Variants in UTRN observed in about 807,000 individuals in gnomAD.
UTRN encodes the protein dystrophin-related protein 1.
In UTRN, 283 loss-of-function variants were observed where a neutral mutation model predicts 463.9. The observed-to-expected ratio is 0.61, with a 90% confidence interval of 0.55 to 0.67. The LOEUF (loss-of-function observed/expected upper bound fraction) is 0.67. Ranked by LOEUF, UTRN falls within the 30% of genes least tolerant of loss-of-function variation. The probability of loss-of-function intolerance (pLI) is 0.00; values close to 1 mark genes in which losing one functional copy is unlikely to be tolerated. For synonymous variants in UTRN, 1,442 were observed against 1,431.5 expected, an observed-to-expected ratio of 1.01 and a Z score of -0.17; for missense variants, 3,922 against 4,084.3, an observed-to-expected ratio of 0.96 and a Z score of 1.08.
At chr6:144,643,477 G>T (rs1175386337) in intron 51 of UTRN, among the ~76,000 whole-genome samples, 2 of 152,096 alleles carry the variant, frequency 1.3e-5, no homozygotes, top group Non-Finnish European at 2.9e-5. Flanking sequence ...TATTTATTTT[G>T]TAAATAGTTT....
chr6:144,721,177 C>A (rs998657006), intron 53 of UTRN, among the ~76,000 whole-genome samples: 2 of 152,126 alleles, frequency 1.3e-5, no homozygotes, highest in Non-Finnish European at 2.9e-5. Flanking sequence ...TCAGAGCATG[C>A]GACTTCTAAA....
At chr6:144,460,057 G>T (rs920192996) in intron 21 of UTRN, among the ~76,000 whole-genome samples, 2 of 149,538 alleles carry the variant, frequency 1.3e-5, no homozygotes, top group Non-Finnish European at 3.0e-5. Flanking sequence ...TGGTTGAGGA[G>T]GCCACTTAAT....
rs896165934 is a variant in UTRN, at chr6:144,827,279, C to T, written c.9495-69C>T. ...AATTGAGAATCTCCCCACACCCCCA[C>T]TGCTTTTGTCTTAAATTGCTCTAAA... On this transcript the variant is annotated intron_variant, in intron 66 of 74. Coordinates refer to ENST00000367545, the MANE Select transcript of UTRN (RefSeq NM_007124.3). 11 of 1,584,928 alleles carry T rather than the reference C, an allele frequency of 6.9e-6. No individual in the cohort carries two copies. The African/African-American group carries it at 1.1e-4, about 16-fold the overall frequency.
chr6:144,301,310 T>G (rs553177342), intron 2 of UTRN, among the ~76,000 whole-genome samples: 1 of 152,266 alleles, frequency 6.6e-6, no homozygotes, highest in South Asian at 2.1e-4. Context: ...TGCATACGCT[T>G]TTTCAAGATA....
At chr6:144,807,569 A>G (rs1434447293) in intron 65 of UTRN, among the ~76,000 whole-genome samples, 1 of 152,102 alleles carries the variant, frequency 6.6e-6, no homozygotes, top group African/African-American at 2.4e-5. Context: ...CACAGATGAT[A>G]TTTAATGCCT....
Position 144,511,139 on chromosome 6 carries a change from A to G in UTRN, c.4944+16A>G. On this transcript the variant is annotated intron_variant, in intron 35 of 74. Coordinates refer to ENST00000367545, the MANE Select transcript of UTRN (RefSeq NM_007124.3). The stretch of plus-strand genomic sequence containing the variant: ...TACCTTGATGGTATGTCTCAGGAAA[A>G]AGTAAATGATGAAATCTTCTCCTCT... 1 of 1,501,652 alleles carries G rather than the reference A, an allele frequency of 6.7e-7. No homozygotes were observed. Among genetic ancestry groups the G allele is most frequent in the African/African-American group, 1.4e-5 (1 of 70,912 alleles). 93.0% of individuals were successfully genotyped at this position (1,501,652 alleles called of 1,614,324 possible). A position where few individuals can be genotyped will look rare whatever the true frequency, so the allele number is the denominator to read the frequency against.
intron 2 of UTRN, among the ~76,000 whole-genome samples, chr6:144,349,671 T>C (rs1222393121): frequency 6.6e-6 from 1 of 152,196 alleles, no homozygotes; most frequent in Non-Finnish European, 1.5e-5. Flanking sequence ...AGCTGTGCAC[T>C]CCATCATGTT....
intron 53 of UTRN, among the ~76,000 whole-genome samples, chr6:144,710,431 A>G (rs776405111): frequency 2.0e-5 from 3 of 152,338 alleles, no homozygotes; most frequent in Non-Finnish European, 2.9e-5. Flanking sequence ...TCTTACACAC[A>G]GAAATGAGTG....
At chr6:144,287,298 C>A (rs1383962995) in intron 1 of UTRN, among the ~76,000 whole-genome samples, 2 of 152,144 alleles carry the variant, frequency 1.3e-5, no homozygotes, top group Admixed American at 6.5e-5. Context: ...TGGGTGTTTA[C>A]CTAAAATTTA....
At chr6:144,569,872 T>A (rs1171520682) in intron 50 of UTRN, among the ~76,000 whole-genome samples, 1 of 152,064 alleles carries the variant, frequency 6.6e-6, no homozygotes, top group East Asian at 1.9e-4. Context: ...GTTGCTGGAT[T>A]TGAAGGTGGA....
chr6:144,777,148 A>C (rs908095527), intron 60 of UTRN, among the ~76,000 whole-genome samples: 1 of 152,160 alleles, frequency 6.6e-6, no homozygotes, highest in Admixed American at 6.6e-5. Flanking sequence ...TGCTTAGGAC[A>C]CACTGAGTGA....
At chr6:144,372,840 A>G (rs188124986) in intron 2 of UTRN, among the ~76,000 whole-genome samples, 81 of 152,300 alleles carry the variant, frequency 5.3e-4, no homozygotes, top group African/African-American at 1.6e-3. Flanking sequence ...AGACAACCCA[A>G]TTGAAAAATG....
intron 52 of UTRN, among the ~76,000 whole-genome samples, chr6:144,690,892 A>G (rs1446684408): frequency 1.3e-5 from 2 of 152,066 alleles, no homozygotes; most frequent in African/African-American, 2.4e-5. Flanking sequence ...CTGGCTCATG[A>G]TATACACTGC....
intron 51 of UTRN, among the ~76,000 whole-genome samples, chr6:144,580,674 G>C (rs1585380470): frequency 6.6e-6 from 1 of 152,296 alleles, no homozygotes; most frequent in East Asian, 1.9e-4. Flanking sequence ...CAAGCTCCTT[G>C]AGAACTGAGC....
chr6:144,802,390 AT>A (rs879790772), intron 64 of UTRN, among the ~76,000 whole-genome samples: 1 of 151,898 alleles, frequency 6.6e-6, no homozygotes, highest in Non-Finnish European at 1.5e-5. Context: ...CTATCATTTA[AT>A]TTTTTTTCTG....
chr6:144,463,245 T>A (rs1789595744), intron 23 of UTRN, among the ~76,000 whole-genome samples: 1 of 152,240 alleles, frequency 6.6e-6, no homozygotes, highest in South Asian at 2.1e-4. Context: ...TACATGAAAC[T>A]ACTTTTTGCA....
In UTRN at chr6:144,513,969, T is replaced by C; in HGVS notation, c.5005T>C (p.Tyr1669His). The C allele has an allele frequency of 6.2e-7, 1 of 1,614,070 alleles. No individual in the cohort carries two copies. The highest frequency in any genetic ancestry group is 8.5e-7 in the Non-Finnish European group (1 of 1,179,960). Residue 1669 changes from tyrosine to histidine, a missense_variant, in exon 36 of 75, where the codon TAT becomes CAT. Transcript: ENST00000367545. Reference protein sequence around the residue: ...GNVAHISTWLYQAEALLDEIE... With the variant: ...GNVAHISTWLHQAEALLDEIE... ...CGTGGCTCACATAAGTACCTGGCTT[T>C]ATCAAGCTGAAGCTCTATTGGATGA... is the stretch of plus-strand genomic sequence containing the variant.
intron 4 of UTRN, 125 bp downstream of exon 4, chr6:144,422,095 T>G: frequency 1.4e-6 from 1 of 717,852 alleles, no homozygotes; most frequent in South Asian, 2.5e-5. Flanking sequence ...AAGGCTGAAA[T>G]TCGGAACATT....
Position 144,324,336 on chromosome 6 carries a change from T to G in UTRN, c.79+32429T>G, listed in dbSNP as rs1161311919. On this transcript the variant is annotated intron_variant, in intron 2 of 74. Transcript: ENST00000367545. Reference sequence around the variant, plus strand: ...GCAACTGTAATTTGGCTGTATTGATTTACCAAGTCTAAAGTAAAATTTCAC... The same window carrying G: ...GCAACTGTAATTTGGCTGTATTGATGTACCAAGTCTAAAGTAAAATTTCAC... Among the ~76,000 whole-genome samples the G allele has an allele frequency of 2.6e-5, 4 of 152,334 alleles. No homozygotes were observed. The East Asian group carries it at 7.7e-4, about 29-fold the overall frequency.
Sources: allele counts gnomAD v4.1 joint callset (sites outside exome capture counted in the v4.1 genomes callset), GRCh38; gene constraint gnomAD v4.1.1; transcripts MANE v1.5; gene names NCBI Gene and HGNC (gene_info 2026-07-23, HGNC 2026-07-21).